The following GPR161 variants were observed in gnomAD, a reference collection of about 807,000 sequenced individuals.
The protein encoded by GPR161 is G-protein coupled receptor RE2.
GPR161 carries 25 observed loss-of-function variants against 39.2 expected under a neutral mutation model. The observed-to-expected ratio is 0.64, with a 90% confidence interval of 0.47 to 0.89. The LOEUF is 0.89. Ranked by LOEUF, GPR161 falls within the 40% of genes least tolerant of loss-of-function variation. The pLI is 0.00. For synonymous variants in GPR161, 286 were observed against 276.6 expected, an observed-to-expected ratio of 1.03 and a Z score of -0.34; for missense variants, 547 against 677.8, an observed-to-expected ratio of 0.81 and a Z score of 2.14.
At chr1:168,113,868 T>C (rs1346941048) in intron 1 of GPR161, among the ~76,000 whole-genome samples, 1 of 152,170 alleles carries the variant, frequency 6.6e-6, no homozygotes, top group East Asian at 1.9e-4. Flanking sequence ...AAAAAATAAC[T>C]ATTAGGTACT....
chr1:168,090,647 A>C lies in GPR161; in HGVS notation c.1121T>G (p.Leu374Arg). 1 of 1,609,606 alleles carries C rather than the reference A, an allele frequency of 6.2e-7. No homozygotes were observed. Among genetic ancestry groups the C allele is most frequent in the Non-Finnish European group, 8.5e-7 (1 of 1,176,284 alleles). Residue 374 changes from leucine (L) to arginine (R), a missense_variant, in exon 4 of 6, where the codon CTC (leucine) becomes CGC (arginine). Physicochemically the swap from Leu to Arg is moderately radical, Grantham distance 102. Transcript: ENST00000682931. ...RITDLGLSPH[L>R]TALMAGGQPL... ...CTGTCCACCTGCCATGAGCGCAGTG[A>C]GGTGTGGGGACAGGCCCAGGTCTGA...
At chr1:168,091,436 T>C (rs1695056370) in intron 3 of GPR161, among the ~76,000 whole-genome samples, 1 of 152,162 alleles carries the variant, frequency 6.6e-6, no homozygotes, top group African/African-American at 2.4e-5. Context: ...TGCAGAACTC[T>C]TCCCTGGGAA....
At chr1:168,114,021 G>A (rs1221419324) in intron 1 of GPR161, among the ~76,000 whole-genome samples, 1 of 152,172 alleles carries the variant, frequency 6.6e-6, no homozygotes, top group African/African-American at 2.4e-5. Flanking sequence ...AGGGTATTGA[G>A]ACAGGTATCT....
intron 1 of GPR161, among the ~76,000 whole-genome samples, chr1:168,115,510 ACC>A (rs1697545535): frequency 6.6e-6 from 1 of 151,742 alleles, no homozygotes; most frequent in Admixed American, 6.6e-5. Context: ...GAAGCTCTTC[ACC>A]CCCAGAGTGT....
chr1:168,087,334 G>GGTGTGTGTGTGTGTGT (rs142900649), intron 5 of GPR161, among the ~76,000 whole-genome samples: 4 of 148,684 alleles, frequency 2.7e-5, no homozygotes, highest in African/African-American at 9.8e-5. Context: ...AACACGTGTG[G>GGTGTGTGTGTGTGTGT]GTGTGTGTGT....
At chr1:168,116,152 C>T (rs1398755341) in intron 1 of GPR161, among the ~76,000 whole-genome samples, 1 of 152,160 alleles carries the variant, frequency 6.6e-6, no homozygotes, top group East Asian at 1.9e-4. Flanking sequence ...TGTTTCATTT[C>T]CTCCTCCACA....
chr1:168,120,664 C>A (rs566315881), intron 1 of GPR161, among the ~76,000 whole-genome samples: 2 of 152,192 alleles, frequency 1.3e-5, no homozygotes, highest in East Asian at 3.9e-4. Flanking sequence ...GAGAGAGGGA[C>A]CTGGTGGGAG....
At chr1:168,106,031 AG>A (rs1490974072) in intron 1 of GPR161, among the ~76,000 whole-genome samples, 1 of 152,170 alleles carries the variant, frequency 6.6e-6, no homozygotes. Context: ...ATGGGTTAAT[AG>A]GGCAGCCCTT....
In GPR161 at chr1:168,085,780, C is replaced by T. The variant is rs184385549; in HGVS notation, c.1341G>A (p.Ser447=). The change falls in exon 6 of 6, where the codon TCG becomes TCA. Residue 447 remains serine, a synonymous_variant. Coordinates refer to ENST00000682931, the MANE Select transcript of GPR161 (RefSeq NM_001375883.1). ...GTACTTCAGCTTTCACATGAAGAAT[C>T]GAGTTCTTGGCAGCTTCTGAGGGAG... is the stretch of plus-strand genomic sequence containing the variant. The part of the protein sequence containing the change: ...VEQIKEAAKN[S]ILHVKAEVHK... The T allele has an allele frequency of 2.9e-5, 46 of 1,611,904 alleles. No individual in the cohort carries two copies. The highest frequency in any genetic ancestry group is 1.0e-4 in the Admixed American group (6 of 59,974).
In GPR161 at chr1:168,136,796, C is replaced by T; in HGVS notation, c.-102G>A. 1.0e-6 allele frequency: 1 copy of T among 986,120 alleles called. No homozygotes were observed. The highest frequency in any genetic ancestry group is 5.2e-4 in the Middle Eastern group (1 of 1,926). The allele number at this position is 986,120 out of a possible 1,614,324, so 61.1% of individuals were successfully genotyped here. On this transcript the variant is annotated 5_prime_UTR_variant, in exon 1 of 6. Coordinates refer to ENST00000682931, the MANE Select transcript of GPR161 (RefSeq NM_001375883.1). ...GGCCCAGCCGCCTCCCCGCCTCGGC[C>T]ACCGCCGCCGCCGCTTCCTTCCTCC...
At position 168,087,731 on chromosome 1, in the gene GPR161, T is replaced by C. The variant is rs1353896679; in HGVS notation, c.1205-27A>G. ...TAAAACAACGGGCAGATTGTGCATATGTAACTACAATCTAAAGTCCTCCTG... is the reference window on the plus strand; with the variant it reads ...TAAAACAACGGGCAGATTGTGCATACGTAACTACAATCTAAAGTCCTCCTG... On this transcript the variant is annotated intron_variant, in intron 4 of 5. Transcript: ENST00000682931. 5 of 1,588,898 alleles carry C rather than the reference T, an allele frequency of 3.1e-6. No homozygotes were observed. In the South Asian group the frequency reaches 3.4e-5, roughly 11 times the overall value.
At chr1:168,114,507 G>T (rs1331351271) in intron 1 of GPR161, 10 of 151,976 alleles carry the variant, frequency 6.6e-5, no homozygotes, top group Admixed American at 6.6e-4. Flanking sequence ...CTTGAACCCA[G>T]GAGCCGAGAT....
chr1:168,104,962 G>T, intron 1 of GPR161, 68 bp from the exon 2 acceptor site: 1 of 1,281,124 alleles, frequency 7.8e-7, no homozygotes, highest in Non-Finnish European at 1.1e-6. Context: ...CCACCTTAGG[G>T]AAGAAAGGCT....
intron 1 of GPR161, among the ~76,000 whole-genome samples, chr1:168,114,854 T>C (rs1697494476): frequency 6.6e-6 from 1 of 152,176 alleles, no homozygotes; most frequent in African/African-American, 2.4e-5. Context: ...CCTACCCTTT[T>C]TAAATTTTTA....
intron 5 of GPR161, among the ~76,000 whole-genome samples, chr1:168,087,268 G>A (rs1162231307): frequency 2.6e-5 from 4 of 152,218 alleles, no homozygotes; most frequent in Non-Finnish European, 4.4e-5. Flanking sequence ...CTGAGGCTCA[G>A]GGAAAGCAGG....
At chr1:168,086,781 G>A (rs368739148) in intron 5 of GPR161, among the ~76,000 whole-genome samples, 27 of 152,332 alleles carry the variant, frequency 1.8e-4, no homozygotes, top group African/African-American at 3.8e-4. Context: ...CCAGTGAAGC[G>A]AATGAACTGT....
At position 168,082,138 on chromosome 1, in the gene GPR161, A is replaced by C. The variant is rs1171602648; in HGVS notation, c.*3393T>G. On this transcript the variant is annotated 3_prime_UTR_variant, in exon 6 of 6. Transcript: ENST00000682931. Reference sequence around the variant, plus strand: ...CATTGGTTGTTCACTTGTTTACAGAAAGACCACATAGTAGCTCCTCAAATA... The same window carrying C: ...CATTGGTTGTTCACTTGTTTACAGACAGACCACATAGTAGCTCCTCAAATA... 6.6e-6 allele frequency: 1 copy of C among 152,202 alleles called. No homozygotes were observed. Among genetic ancestry groups the C allele is most frequent in the Non-Finnish European group, 1.5e-5 (1 of 68,048 alleles). The allele number at this position is 152,202 out of a possible 1,614,324, so 9.4% of individuals were successfully genotyped here. A position where few individuals can be genotyped will look rare whatever the true frequency, so the allele number is the denominator to read the frequency against.
At chr1:168,116,831 A>G (rs1226030032) in intron 1 of GPR161, among the ~76,000 whole-genome samples, 2 of 152,166 alleles carry the variant, frequency 1.3e-5, no homozygotes, top group African/African-American at 4.8e-5. Context: ...AAATCTAGGA[A>G]TGTCTTTGTT....
intron 1 of GPR161, among the ~76,000 whole-genome samples, chr1:168,106,710 A>G (rs1696657587): frequency 6.6e-6 from 1 of 152,258 alleles, no homozygotes. Context: ...GAACATGTGG[A>G]ATTAATGTTT....
Sources: allele counts gnomAD v4.1 joint callset (sites outside exome capture counted in the v4.1 genomes callset), GRCh38; gene constraint gnomAD v4.1.1; transcripts MANE v1.5; gene names NCBI Gene and HGNC (gene_info 2026-07-23, HGNC 2026-07-21).